The following MYH7B variants were observed in gnomAD, a reference collection of about 807,000 sequenced individuals.
MYH7B encodes the protein myosin heavy chain 7B.
MYH7B carries 205 observed loss-of-function variants against 234.5 expected under a neutral mutation model. The ratio of observed to expected loss-of-function variants is 0.87; its 90% CI spans 0.78 to 0.98. MYH7B has a LOEUF of 0.98. MYH7B is among the 50% of genes least tolerant of loss of function. MYH7B has a pLI of 0.00. For synonymous variants in MYH7B, 1,193 were observed against 1,105.0 expected, an observed-to-expected ratio of 1.08 and a Z score of -1.58; for missense variants, 2,652 against 2,633.4, an observed-to-expected ratio of 1.01 and a Z score of -0.15.
intron 10 of MYH7B, among the ~76,000 whole-genome samples, chr20:34,983,154 A>C (rs2147182410): frequency 6.6e-6 from 1 of 152,288 alleles, no homozygotes; most frequent in Admixed American, 6.5e-5. Context: ...GCCTTTTTCC[A>C]GAAGCCCGAG....
intron 3 of MYH7B, among the ~76,000 whole-genome samples, chr20:34,977,107 CCTT>C (rs1362771603): frequency 1.5e-5 from 2 of 134,754 alleles, no homozygotes; most frequent in East Asian, 2.5e-4. Context: ...CTGTTCTTCT[CCTT>C]CTCTCTCCTT....
At chr20:34,981,327 G>C (rs1005839948) in intron 9 of MYH7B, 2 of 435,714 alleles carry the variant, frequency 4.6e-6, no homozygotes, top group African/African-American at 4.2e-5. Context: ...CCCGGGGCCT[G>C]GAATCTCCCA....
chr20:34,984,926 AATG>A (rs1215886032), exon 12 of MYH7B: 3 of 1,613,782 alleles, frequency 1.9e-6, no homozygotes, highest in African/African-American at 2.7e-5. Flanking sequence ...GACCCTGAGG[AATG>A]ATAACTCCTC....
At chr20:34,979,803 A>T in exon 7 of MYH7B, 1 of 1,610,654 alleles carries the variant, frequency 6.2e-7, no homozygotes, top group South Asian at 1.1e-5. Context: ...TGGATGATCT[A>T]TGTGAGCCCC....
chr20:34,991,194 AG>A (rs1410879873), intron 24 of MYH7B, 73 bp downstream of exon 24: 1 of 1,056,456 alleles, frequency 9.5e-7, no homozygotes, highest in Admixed American at 2.3e-5. Flanking sequence ...CACATATCAG[AG>A]CCCAACAGAC....
At chr20:34,977,574 G>C (rs1307459571) in intron 3 of MYH7B, 58 bp from the exon 4 acceptor site, 2 of 1,509,496 alleles carry the variant, frequency 1.3e-6, no homozygotes, top group Non-Finnish European at 1.8e-6. Flanking sequence ...TGGCCAGGCT[G>C]GGGGGGCTGT....
At chr20:34,980,527 G>A in intron 7 of MYH7B, 51 bp from the exon 8 acceptor site, 1 of 1,479,568 alleles carries the variant, frequency 6.8e-7, no homozygotes, top group Non-Finnish European at 9.4e-7. Flanking sequence ...GACAGAGCAA[G>A]ACTCCATCTC....
At position 34,993,385 on chromosome 20, in the gene MYH7B, CGCCT is replaced by C. The variant is rs772116962; in HGVS notation, c.2361_2364del (p.Leu788ProfsTer4). ...CGTCCTGGAAGAGCTCCGTGACCAG[CGCCT>C]GGCCAAGGTGCTGACGCTGCTGCAG... On this transcript the variant is annotated frameshift_variant, in exon 26 of 45. Transcript: ENST00000262873. LOFTEE classifies it high-confidence loss of function. 2 of 1,613,604 alleles carry C rather than the reference CGCCT, an allele frequency of 1.2e-6. No homozygotes were observed. The highest frequency in any genetic ancestry group is 2.7e-5 in the African/African-American group (2 of 74,936).
intron 19 of MYH7B, among the ~76,000 whole-genome samples, chr20:34,988,694 A>AG (rs2082081223): frequency 6.6e-6 from 1 of 152,206 alleles, no homozygotes; most frequent in African/African-American, 2.4e-5. Flanking sequence ...CATTGTACAA[A>AG]GAATGGAAGA....
exon 7 of MYH7B, chr20:34,979,742 C>T: frequency 1.2e-6 from 2 of 1,614,214 alleles, no homozygotes; most frequent in Non-Finnish European, 1.7e-6. Flanking sequence ...CATGATGACG[C>T]ACCTGAACGA....
At chr20:34,982,078 T>A in intron 9 of MYH7B, 1 of 180,268 alleles carries the variant, frequency 5.5e-6, no homozygotes, top group Non-Finnish European at 1.2e-5. Context: ...CACACAAAGT[T>A]ATGAGTCAGT....
At chr20:34,968,352 T>A (rs376656669) in intron 2 of MYH7B, among the ~76,000 whole-genome samples, 4 of 152,236 alleles carry the variant, frequency 2.6e-5, no homozygotes, top group Non-Finnish European at 5.9e-5. Flanking sequence ...AGGCACAGGC[T>A]AGGCTCTCTG....
At chr20:34,980,916 C>G (rs2147176241) in intron 8 of MYH7B, 117 bp from the exon 9 acceptor site, 2 of 1,521,386 alleles carry the variant, frequency 1.3e-6, no homozygotes, top group Non-Finnish European at 1.8e-6. Flanking sequence ...CCCACCTGCT[C>G]CTTCCCATTC....
At chr20:34,987,879 G>C in exon 18 of MYH7B, 1 of 1,610,532 alleles carries the variant, frequency 6.2e-7, no homozygotes, top group Non-Finnish European at 8.5e-7. Context: ...GTTCTTCATC[G>C]GGGTTCTGGA....
intron 36 of MYH7B, 27 bp from the exon 37 acceptor site, chr20:34,999,544 G>A: frequency 6.4e-7 from 1 of 1,571,180 alleles, no homozygotes; most frequent in Non-Finnish European, 8.6e-7. Context: ...CCATGGGGGT[G>A]GCCTCTCAGC....
chr20:34,985,629 G>A (rs967059660), intron 13 of MYH7B, among the ~76,000 whole-genome samples: 1 of 152,046 alleles, frequency 6.6e-6, no homozygotes, highest in Non-Finnish European at 1.5e-5. Context: ...CACTCAAGGG[G>A]GCCAGGGACA....
intron 19 of MYH7B, 102 bp from the exon 20 acceptor site, chr20:34,989,638 T>C (rs2082101648): frequency 8.4e-7 from 1 of 1,190,862 alleles, no homozygotes; most frequent in South Asian, 1.6e-5. Context: ...GCTGGGGATC[T>C]GGGAAGGCTC....
At chr20:34,987,467 C>T (rs530543382) in intron 16 of MYH7B, 90 bp from the exon 17 acceptor site, 18 of 1,422,146 alleles carry the variant, frequency 1.3e-5, no homozygotes, top group East Asian at 9.1e-5. Flanking sequence ...CCCCTCTTAA[C>T]TTCCCTCTCC....
chr20:34,997,080 C>T lies in MYH7B; in HGVS notation c.3267-3C>T, dbSNP rs2082274745. 1.9e-6 allele frequency: 3 copies of T among 1,547,770 alleles called. No homozygotes were observed. The highest frequency in any genetic ancestry group is 1.7e-6 in the Non-Finnish European group (2 of 1,146,638). Reference sequence around the variant, plus strand: ...TGCTGGCCACCCACTCTGTGGCTCCCAGGAAGGACTCCGAGCTGAGCCAGC... The same window carrying T: ...TGCTGGCCACCCACTCTGTGGCTCCTAGGAAGGACTCCGAGCTGAGCCAGC... On this transcript the variant is annotated splice_polypyrimidine_tract_variant and splice_region_variant and intron_variant, in intron 30 of 44. Transcript: ENST00000262873.
Sources: allele counts gnomAD v4.1 joint callset (sites outside exome capture counted in the v4.1 genomes callset), GRCh38; gene constraint gnomAD v4.1.1; transcripts MANE v1.5; gene names NCBI Gene and HGNC (gene_info 2026-07-23, HGNC 2026-07-21).